Variants in PMS1 observed in about 807,000 individuals in gnomAD.
PMS1 encodes the protein PMS1 protein homolog 1.
Under a neutral mutation model 93.1 loss-of-function variants are expected in PMS1, and 79 were observed. That is an observed-to-expected ratio of 0.85 (90% CI 0.71 to 1.02). The LOEUF (loss-of-function observed/expected upper bound fraction) is 1.02. Ranked by LOEUF, PMS1 falls within the 50% of genes least tolerant of loss-of-function variation. The probability of loss-of-function intolerance (pLI) is 0.00; values close to 1 mark genes in which losing one functional copy is unlikely to be tolerated. For missense variants in PMS1, 1,064 were observed against 1,085.3 expected, an observed-to-expected ratio of 0.98 and a Z score of 0.28; for synonymous variants, 335 against 363.4, an observed-to-expected ratio of 0.92 and a Z score of 0.89.
chr2:189,863,937 C>T lies in PMS1; in HGVS notation c.2051C>T (p.Ser684Phe), dbSNP rs1401956943. The T allele has an allele frequency of 3.1e-6, 5 of 1,610,256 alleles. No individual in the cohort carries two copies. The South Asian group carries it at 5.5e-5, about 18-fold the overall frequency. The change falls in exon 10 of 13, where the codon TCC (serine) becomes TTC (phenylalanine). Residue 684 changes from serine (S) to phenylalanine (F), a missense_variant. Physicochemically the swap from Ser to Phe is radical, Grantham distance 155. Coordinates refer to ENST00000441310, the MANE Select transcript of PMS1 (RefSeq NM_000534.5). ...CCAAAACTTGATGAACTCCTTCAGT[C>T]CCAAATTGAAAAAAGAAGGAGTCAA... Reference protein sequence around the residue: ...NQPKLDELLQSQIEKRRSQNI... With the variant: ...NQPKLDELLQFQIEKRRSQNI...
At chr2:189,818,680 G>A (rs939711829) in intron 5 of PMS1, among the ~76,000 whole-genome samples, 1 of 152,010 alleles carries the variant, frequency 6.6e-6, no homozygotes, top group African/African-American at 2.4e-5. Context: ...TCTTTAATTT[G>A]TTGCCTAATA....
chr2:189,815,753 G>A (rs2051241977), intron 4 of PMS1, among the ~76,000 whole-genome samples: 1 of 152,184 alleles, frequency 6.6e-6, no homozygotes, highest in Admixed American at 6.5e-5. Context: ...ACAAGCTACT[G>A]TTAGGCCTTC....
At chr2:189,796,851 C>T (rs1416527188) in intron 3 of PMS1, among the ~76,000 whole-genome samples, 2 of 150,164 alleles carry the variant, frequency 1.3e-5, no homozygotes, top group African/African-American at 5.0e-5. Flanking sequence ...GTACAAATAC[C>T]TGTTTGAGTC....
At chr2:189,815,121 A>T (rs1022866927) in intron 4 of PMS1, among the ~76,000 whole-genome samples, 2 of 151,662 alleles carry the variant, frequency 1.3e-5, no homozygotes, top group African/African-American at 4.8e-5. Flanking sequence ...AAAAGATATG[A>T]TACTCAAGCT....
intron 9 of PMS1, 60 bp downstream of exon 9, chr2:189,855,188 C>T: frequency 1.4e-6 from 2 of 1,414,680 alleles, no homozygotes; most frequent in Admixed American, 3.4e-5. Flanking sequence ...CTATATGACT[C>T]ACTGTTTAAA....
At position 189,805,896 on chromosome 2, in the gene PMS1, A is replaced by G. The variant is rs1220419238; in HGVS notation, c.418+142A>G. On this transcript the variant is annotated intron_variant, in intron 4 of 12. Transcript: ENST00000441310. The stretch of plus-strand genomic sequence containing the variant: ...AAGGCTAGTTAACTTCCAAGTAAAC[A>G]TTCAGCCTTTATTCTAGCCACCAAT... 16 of 1,537,892 alleles carry G rather than the reference A, an allele frequency of 1.0e-5. No individual in the cohort carries two copies. The East Asian group carries it at 2.4e-4, about 24-fold the overall frequency.
intron 9 of PMS1, 109 bp downstream of exon 9, chr2:189,855,237 C>A: frequency 1.1e-6 from 1 of 894,842 alleles, no homozygotes; most frequent in Non-Finnish European, 1.8e-6. Context: ...AAAAGCAGAT[C>A]AGAAAATACC....
chr2:189,851,001 A>T (rs775039794), intron 6 of PMS1, among the ~76,000 whole-genome samples: 2 of 152,194 alleles, frequency 1.3e-5, no homozygotes, highest in Non-Finnish European at 2.9e-5. Flanking sequence ...TGAGGAATAC[A>T]TTTGGGTACA....
intron 4 of PMS1, among the ~76,000 whole-genome samples, chr2:189,808,777 C>T (rs903134322): frequency 2.6e-5 from 4 of 152,078 alleles, no homozygotes; most frequent in Admixed American, 2.6e-4. Context: ...TTGCCCTTGC[C>T]TTCTGTTCAC....
At chr2:189,789,176 C>A (rs1170593125) in intron 1 of PMS1, among the ~76,000 whole-genome samples, 1 of 152,098 alleles carries the variant, frequency 6.6e-6, no homozygotes. Flanking sequence ...ACATAATGAT[C>A]TCTTATTATA....
At chr2:189,861,771 T>G (rs879540683) in intron 9 of PMS1, among the ~76,000 whole-genome samples, 1 of 151,684 alleles carries the variant, frequency 6.6e-6, no homozygotes, top group African/African-American at 2.4e-5. Context: ...AAGATTTCAC[T>G]GTCATCTGGC....
intron 5 of PMS1, among the ~76,000 whole-genome samples, chr2:189,838,134 G>C (rs1379657660): frequency 6.6e-6 from 1 of 152,190 alleles, no homozygotes; most frequent in Non-Finnish European, 1.5e-5. Context: ...TAAATCTAAA[G>C]TGGGTGAATT....
intron 11 of PMS1, among the ~76,000 whole-genome samples, chr2:189,870,949 CT>C (rs1205403142): frequency 6.6e-6 from 1 of 152,144 alleles, no homozygotes; most frequent in Non-Finnish European, 1.5e-5. Context: ...AGACCTGAGA[CT>C]AAAAGAAATG....
At chr2:189,809,726 T>C (rs1377618206) in intron 4 of PMS1, among the ~76,000 whole-genome samples, 1 of 151,866 alleles carries the variant, frequency 6.6e-6, no homozygotes, top group Non-Finnish European at 1.5e-5. Context: ...GCACCTGTAA[T>C]CCCACTGAGG....
chr2:189,836,186 C>G (rs917192378), intron 5 of PMS1, among the ~76,000 whole-genome samples: 5 of 152,298 alleles, frequency 3.3e-5, no homozygotes, highest in Middle Eastern at 3.4e-3. Context: ...AATTAAATAT[C>G]GAGTATTCTC....
rs779243339 is a variant in PMS1 at position 189,852,678 on chromosome 2, A to G, written c.723A>G (p.Pro241=). The G allele has an allele frequency of 6.9e-6, 11 of 1,604,512 alleles. No homozygotes were observed. In the East Asian group the frequency reaches 1.6e-4, roughly 23 times the overall value. Residue 241 remains proline (P), a synonymous_variant, in exon 7 of 13, where the codon CCA becomes CCG. Coordinates refer to ENST00000441310, the MANE Select transcript of PMS1 (RefSeq NM_000534.5). Reference sequence around the variant, plus strand: ...AGATTTATCTCAGTGGATTTCTTCCAAAGTGTGATGCAGACCACTCTTTCA... The same window carrying G: ...AGATTTATCTCAGTGGATTTCTTCCGAAGTGTGATGCAGACCACTCTTTCA... ...ESQIYLSGFL[P]KCDADHSFTS... is the part of the protein sequence containing the mutation.
chr2:189,800,248 C>T (rs760270733), intron 3 of PMS1, among the ~76,000 whole-genome samples: 2 of 152,068 alleles, frequency 1.3e-5, no homozygotes, highest in African/African-American at 2.4e-5. Flanking sequence ...ATGTATTTTC[C>T]GTGGTAGGTT....
At chr2:189,828,846 A>G (rs1192603067) in intron 5 of PMS1, among the ~76,000 whole-genome samples, 1 of 150,490 alleles carries the variant, frequency 6.6e-6, no homozygotes, top group African/African-American at 2.5e-5. Context: ...ATTGGTAAAC[A>G]GTTTAATTCA....
At chr2:189,842,002 TC>T (rs1350117192) in intron 5 of PMS1, among the ~76,000 whole-genome samples, 2 of 151,046 alleles carry the variant, frequency 1.3e-5, no homozygotes, top group Admixed American at 6.6e-5. Context: ...GTCAAATGTG[TC>T]CTATTCCTGC....
Sources: allele counts gnomAD v4.1 joint callset (sites outside exome capture counted in the v4.1 genomes callset), GRCh38; gene constraint gnomAD v4.1.1; transcripts MANE v1.5; gene names NCBI Gene and HGNC (gene_info 2026-07-23, HGNC 2026-07-21).